Variants in HELZ observed in about 807,000 individuals in gnomAD.
HELZ encodes ATP-dependent RNA helicase with zinc finger domain.
Under a neutral mutation model 218.2 loss-of-function variants are expected in HELZ, and 23 were observed. That is an observed-to-expected ratio of 0.11 (90% CI 0.08 to 0.15). The LOEUF (loss-of-function observed/expected upper bound fraction) is 0.15, where lower values mean the gene tolerates loss of function less well. Ranked by LOEUF, HELZ falls within the 10% of genes least tolerant of loss-of-function variation. HELZ has a pLI of 1.00. For synonymous variants in HELZ, 814 were observed against 829.4 expected, an observed-to-expected ratio of 0.98 and a Z score of 0.32; for missense variants, 1,813 against 2,353.7, an observed-to-expected ratio of 0.77 and a Z score of 4.75.
intron 31 of HELZ, among the ~76,000 whole-genome samples, chr17:67,104,950 C>T (rs1204827815): frequency 2.0e-5 from 3 of 152,092 alleles, no homozygotes; most frequent in Non-Finnish European, 4.4e-5. Flanking sequence ...GAAACCCCGT[C>T]TCTACTAAAA....
intron 31 of HELZ, among the ~76,000 whole-genome samples, chr17:67,101,000 C>T (rs139960115): frequency 1.6e-3 from 237 of 151,466 alleles, no homozygotes; most frequent in African/African-American, 5.6e-3. Context: ...GTCCCAGCTA[C>T]TCGGGAGGCT....
At chr17:67,181,590 G>A (rs932920746) in intron 12 of HELZ, among the ~76,000 whole-genome samples, 2 of 151,738 alleles carry the variant, frequency 1.3e-5, no homozygotes, top group East Asian at 1.9e-4. Flanking sequence ...GTCTTTAGCA[G>A]GTAGCACAGT....
chr17:67,087,247 C>T (rs1038025766), intron 31 of HELZ, among the ~76,000 whole-genome samples, 166 bp from the exon 32 acceptor site: 9 of 152,010 alleles, frequency 5.9e-5, no homozygotes, highest in African/African-American at 9.7e-5. Context: ...AGAAAAAGGG[C>T]GGGGAAGGGT....
chr17:67,199,893 C>T (rs1463656755), intron 7 of HELZ, among the ~76,000 whole-genome samples: 1 of 152,190 alleles, frequency 6.6e-6, no homozygotes, highest in Non-Finnish European at 1.5e-5. Flanking sequence ...TCTCAACTCT[C>T]AGCTCTTGGT....
At position 67,183,730 on chromosome 17, in the gene HELZ, G is replaced by C. The variant is rs189046273; in HGVS notation, c.1162+4589C>G. On this transcript the variant is annotated intron_variant, in intron 12 of 32. Coordinates refer to ENST00000358691, the MANE Select transcript of HELZ (RefSeq NM_014877.4). The stretch of plus-strand genomic sequence containing the variant: ...AGAATGCAGTCTGTTTTCTAAACAG[G>C]GGATAACTCACTAGCTTCCTTCCTT... Among the ~76,000 whole-genome samples, 885 of 152,150 alleles carry C rather than the reference G, an allele frequency of 5.8e-3. 8 individuals carry two copies. Among genetic ancestry groups the C allele is most frequent in the African/African-American group, 0.02 (837 of 41,496 alleles).
chr17:67,087,643 T>C (rs929107815), intron 31 of HELZ, among the ~76,000 whole-genome samples: 2 of 152,238 alleles, frequency 1.3e-5, no homozygotes, highest in African/African-American at 4.8e-5. Flanking sequence ...TTGACTGGAC[T>C]CCACTGCATT....
Position 67,086,985 on chromosome 17 carries a change from T to C in HELZ, c.5338A>G (p.Ser1780Gly). 6.2e-7 allele frequency: 1 copy of C among 1,614,058 alleles called. No individual in the cohort carries two copies. The highest frequency in any genetic ancestry group is 8.5e-7 in the Non-Finnish European group (1 of 1,180,002). ...CSEEVSTPQD[S>G]LAQCKELQDH... ...TGAAGCTCTTTACACTGAGCCAGACTGTCTTGAGGAGTGCTTACTTCTTCA... is the reference window on the plus strand; with the variant it reads ...TGAAGCTCTTTACACTGAGCCAGACCGTCTTGAGGAGTGCTTACTTCTTCA... Residue 1780 changes from serine to glycine, a missense_variant, in exon 32 of 33, where the codon AGT (serine) becomes GGT (glycine). Ser to Gly is a moderately conservative substitution (Grantham distance 56). Coordinates refer to ENST00000358691, the MANE Select transcript of HELZ (RefSeq NM_014877.4).
intron 17 of HELZ, among the ~76,000 whole-genome samples, chr17:67,152,177 T>C (rs985403078): frequency 4.6e-5 from 7 of 152,218 alleles, no homozygotes; most frequent in Non-Finnish European, 8.8e-5. Context: ...TTCCGGTTTG[T>C]AGTGTTTGCT....
chr17:67,117,927 G>A (rs2037479946), intron 27 of HELZ, among the ~76,000 whole-genome samples: 1 of 152,022 alleles, frequency 6.6e-6, no homozygotes, highest in Admixed American at 6.6e-5. Context: ...TCCGTTCAAA[G>A]ATCAAAAGAA....
Position 67,109,571 on chromosome 17 carries a change from G to A in HELZ, c.4034C>T (p.Pro1345Leu), listed in dbSNP as rs1400570055. 1 of 1,614,022 alleles carries A rather than the reference G, an allele frequency of 6.2e-7. No individual in the cohort carries two copies. Among genetic ancestry groups the A allele is most frequent in the African/African-American group, 1.3e-5 (1 of 74,898 alleles). The change falls in exon 29 of 33, where the codon CCC becomes CTC. Residue 1345 changes from proline (P) to leucine (L), a missense_variant. Physicochemically the swap from Pro to Leu is moderately conservative, Grantham distance 98. Around this residue, in one of 4 missense-constraint regions of HELZ, gnomAD observed 938 missense variants for 1,027.5 expected, o/e 0.91. Coordinates refer to ENST00000358691, the MANE Select transcript of HELZ (RefSeq NM_014877.4). ...DNLNPRHINL[P>L]LPAPHAQYAI... Reference sequence around the variant, plus strand: ...ATACTGTGCGTGGGGAGCAGGAAGGGGAAGATTTATGTGTCTTGGGTTGAG... The same window carrying A: ...ATACTGTGCGTGGGGAGCAGGAAGGAGAAGATTTATGTGTCTTGGGTTGAG...
Position 67,229,023 on chromosome 17 carries a change from ATAAT to A in HELZ, c.-18-10205_-18-10202del, listed in dbSNP as rs140558806. 7.9e-3 allele frequency among the ~76,000 whole-genome samples: 1,201 copies of A among 152,210 alleles called. 16 individuals carry two copies. The highest frequency in any genetic ancestry group is 0.028 in the African/African-American group (1,146 of 41,538). The stretch of plus-strand genomic sequence containing the variant: ...ATGAGCCACTGCACCCAGCTGATAC[ATAAT>A]TAAAGTAACCCAAGTGAAGAGGAAG... On this transcript the variant is annotated intron_variant, in intron 3 of 32. Transcript: ENST00000358691.
intron 14 of HELZ, 85 bp from the exon 15 acceptor site, chr17:67,166,693 T>G: frequency 8.8e-7 from 1 of 1,136,038 alleles, no homozygotes; most frequent in South Asian, 1.3e-5. Context: ...GGGAGGAATC[T>G]GTTTGGGACA....
At chr17:67,218,361 C>T (rs2040660342) in intron 4 of HELZ, among the ~76,000 whole-genome samples, 2 of 152,166 alleles carry the variant, frequency 1.3e-5, no homozygotes, top group South Asian at 2.1e-4. Context: ...GTCTAGTACA[C>T]AGTACATACT....
At chr17:67,222,748 C>G (rs117145702) in intron 3 of HELZ, among the ~76,000 whole-genome samples, 66 of 152,238 alleles carry the variant, frequency 4.3e-4, no homozygotes, top group South Asian at 3.7e-3. Flanking sequence ...CTGTCAAAGT[C>G]AAAATGAGAA....
At chr17:67,140,900 G>A (rs1350805102) in intron 21 of HELZ, among the ~76,000 whole-genome samples, 2 of 152,094 alleles carry the variant, frequency 1.3e-5, no homozygotes, top group Admixed American at 6.5e-5. Context: ...AAACAATAGA[G>A]GCCAGAAAGC....
chr17:67,232,552 T>C (rs1365620783), intron 3 of HELZ, among the ~76,000 whole-genome samples: 1 of 152,210 alleles, frequency 6.6e-6, no homozygotes, highest in South Asian at 2.1e-4. Context: ...GACACAAAAT[T>C]GCGGCAGCAT....
intron 13 of HELZ, among the ~76,000 whole-genome samples, chr17:67,175,797 T>A (rs1000579894): frequency 3.9e-5 from 6 of 152,248 alleles, no homozygotes; most frequent in Non-Finnish European, 7.3e-5. Flanking sequence ...CAATAAATTA[T>A]CAGTTATATC....
intron 17 of HELZ, among the ~76,000 whole-genome samples, chr17:67,157,394 A>T (rs1192931463): frequency 6.6e-6 from 1 of 152,236 alleles, no homozygotes; most frequent in Non-Finnish European, 1.5e-5. Flanking sequence ...TAGTAAGAAT[A>T]CAAAGCTTGA....
intron 14 of HELZ, among the ~76,000 whole-genome samples, 172 bp downstream of exon 14, chr17:67,167,291 G>A (rs2039172948): frequency 6.6e-6 from 1 of 152,116 alleles, no homozygotes; most frequent in African/African-American, 2.4e-5. Context: ...ATATTTAAAA[G>A]AATCACTTTT....
Sources: allele counts gnomAD v4.1 joint callset (sites outside exome capture counted in the v4.1 genomes callset), GRCh38; gene constraint gnomAD v4.1.1; regional missense constraint gnomAD v4.1.1; transcripts MANE v1.5; gene names NCBI Gene and HGNC (gene_info 2026-07-23, HGNC 2026-07-21).